YPEL2: variants seen among roughly 807,000 people sequenced by gnomAD.
The protein encoded by YPEL2 is protein yippee-like 2.
Under a neutral mutation model 19.1 loss-of-function variants are expected in YPEL2, and 2 were observed. That is an observed-to-expected ratio of 0.10 (90% confidence interval 0.04 to 0.33). The LOEUF is 0.33. Ranked by LOEUF, YPEL2 falls within the 10% of genes least tolerant of loss-of-function variation. YPEL2 has a pLI of 1.00. For missense variants in YPEL2, 66 were observed against 140.7 expected (o/e 0.47, Z 2.68); for synonymous variants, 52 against 50.0 (o/e 1.04, Z -0.17).
intron 3 of YPEL2, 35 bp downstream of exon 3, chr17:59,388,405 T>TAC: frequency 6.2e-7 from 1 of 1,608,884 alleles, no homozygotes; most frequent in Non-Finnish European, 8.5e-7. Flanking sequence ...CCTTGTGGGG[T>TAC]ACAGATTCGA....
chr17:59,384,661 T>G (rs1047937057), intron 2 of YPEL2, among the ~76,000 whole-genome samples: 2 of 152,168 alleles, frequency 1.3e-5, no homozygotes, highest in Admixed American at 1.3e-4. Context: ...TTTTTAAAGA[T>G]AAAATGTATA....
At chr17:59,350,217 C>T (rs531562317) in intron 1 of YPEL2, among the ~76,000 whole-genome samples, 31 of 152,004 alleles carry the variant, frequency 2.0e-4, no homozygotes, top group Admixed American at 1.6e-3. Context: ...ATCACAGGCG[C>T]GTGCCACCAT....
Position 59,331,669 on chromosome 17 carries a change from AC to A in YPEL2, c.-348del, listed in dbSNP as rs947534677. On this transcript the variant is annotated 5_prime_UTR_variant, in exon 1 of 5. Coordinates refer to ENST00000312655, the MANE Select transcript of YPEL2 (RefSeq NM_001005404.4). ...CATCACGGGGTAGCCCCCGGCCCGG[AC>A]CCGGAGGGATGCGGAGTGGCGGCCG... 2 of 153,232 alleles carry A rather than the reference AC, an allele frequency of 1.3e-5. No individual in the cohort carries two copies. Among genetic ancestry groups the A allele is most frequent in the African/African-American group, 2.4e-5 (1 of 41,448 alleles). 9.5% of individuals were successfully genotyped at this position (153,232 alleles called of 1,614,324 possible). A position where few individuals can be genotyped will look rare whatever the true frequency, so the allele number is the denominator to read the frequency against.
intron 4 of YPEL2, among the ~76,000 whole-genome samples, chr17:59,396,440 G>T (rs2048039706): frequency 6.6e-6 from 1 of 152,224 alleles, no homozygotes; most frequent in Admixed American, 6.5e-5. Context: ...ACTAAAGCAG[G>T]GGTTGGGGCA....
At chr17:59,349,706 A>C (rs1245397111) in intron 1 of YPEL2, among the ~76,000 whole-genome samples, 2 of 151,576 alleles carry the variant, frequency 1.3e-5, no homozygotes, top group African/African-American at 4.9e-5. Context: ...CTGTCACCAG[A>C]CTGGAGTGCA....
At chr17:59,369,446 G>A (rs2047886113) in intron 2 of YPEL2, among the ~76,000 whole-genome samples, 1 of 152,200 alleles carries the variant, frequency 6.6e-6, no homozygotes. Context: ...TGTGGAATCA[G>A]GGCCCTGATG....
At chr17:59,381,969 T>C (rs902326680) in intron 2 of YPEL2, among the ~76,000 whole-genome samples, 11 of 152,190 alleles carry the variant, frequency 7.2e-5, no homozygotes, top group African/African-American at 2.7e-4. Context: ...CGTGCCAGGT[T>C]GTGCCAGGCT....
At position 59,353,309 on chromosome 17, in the gene YPEL2, C is replaced by T; in HGVS notation, c.-101C>T. On this transcript the variant is annotated 5_prime_UTR_variant, in exon 2 of 5. Transcript: ENST00000312655. The surrounding 1 kb of genome is among the most constrained non-coding windows in gnomAD (Gnocchi z 4.8). ...CCTGCCACACCCACCCGCTGCCAAA[C>T]CACGGCCTTTACCTGTGTCTTCCGG... 1.2e-6 allele frequency: 1 copy of T among 855,288 alleles called. No homozygotes were observed. Among genetic ancestry groups the T allele is most frequent in the Non-Finnish European group, 1.9e-6 (1 of 538,422 alleles). The allele number at this position is 855,288 out of a possible 1,614,324, so 53.0% of individuals were successfully genotyped here.
At chr17:59,355,882 A>ATTAGAGCT (rs1454239071) in intron 2 of YPEL2, 1 of 152,216 alleles carries the variant, frequency 6.6e-6, no homozygotes, top group African/African-American at 2.4e-5. Context: ...GATGGGGTGC[A>ATTAGAGCT]TTAGAGCTTG....
At chr17:59,358,522 C>A (rs1006503439) in intron 2 of YPEL2, among the ~76,000 whole-genome samples, 1 of 151,984 alleles carries the variant, frequency 6.6e-6, no homozygotes, top group Admixed American at 6.5e-5. Context: ...GAGATCTGAC[C>A]CATCCTGTCC....
intron 2 of YPEL2, among the ~76,000 whole-genome samples, chr17:59,359,396 T>C (rs572310680): frequency 6.6e-6 from 1 of 152,366 alleles, no homozygotes; most frequent in East Asian, 1.9e-4. Flanking sequence ...TTGAGTTATA[T>C]CACTAGTAGT....
rs1198124498 is a variant in YPEL2 at position 59,397,296 on chromosome 17, C to T, written c.*106C>T. Reference sequence around the variant, plus strand: ...ACACTTGGTTCCATCCATTTAGGGGCCTTGCCATCCGGGGCATCCTCCCAC... The same window carrying T: ...ACACTTGGTTCCATCCATTTAGGGGTCTTGCCATCCGGGGCATCCTCCCAC... On this transcript the variant is annotated 3_prime_UTR_variant, in exon 5 of 5. Transcript: ENST00000312655. The T allele has an allele frequency of 2.4e-6, 2 of 838,690 alleles. No individual in the cohort carries two copies. The highest frequency in any genetic ancestry group is 3.5e-6 in the Non-Finnish European group (2 of 572,622). The allele number at this position is 838,690 out of a possible 1,614,324, so 52.0% of individuals were successfully genotyped here.
At chr17:59,378,308 A>G (rs1339238609) in intron 2 of YPEL2, among the ~76,000 whole-genome samples, 2 of 149,650 alleles carry the variant, frequency 1.3e-5, no homozygotes, top group Non-Finnish European at 3.0e-5. Flanking sequence ...GGAATTTGAA[A>G]GTCTGATCAT....
chr17:59,337,317 A>G (rs1051048154), intron 1 of YPEL2, among the ~76,000 whole-genome samples: 3 of 151,238 alleles, frequency 2.0e-5, no homozygotes, highest in Admixed American at 2.0e-4. Flanking sequence ...CCTCCCGAGT[A>G]GCTGGGACTA....
chr17:59,346,859 A>G (rs1305865114), intron 1 of YPEL2, among the ~76,000 whole-genome samples: 1 of 152,192 alleles, frequency 6.6e-6, no homozygotes, highest in Non-Finnish European at 1.5e-5. Context: ...GAAAGGTTGT[A>G]TCAGCCTGAA....
chr17:59,390,938 A>T (rs942264852), intron 4 of YPEL2, among the ~76,000 whole-genome samples: 8 of 152,226 alleles, frequency 5.3e-5, no homozygotes, highest in African/African-American at 1.7e-4. Context: ...GTTAAATAGG[A>T]TCATGCCTAT....
intron 1 of YPEL2, among the ~76,000 whole-genome samples, chr17:59,333,396 A>G (rs1051185190): frequency 2.6e-5 from 4 of 152,204 alleles, no homozygotes; most frequent in African/African-American, 7.2e-5. Context: ...CTGTCTTGAT[A>G]TTTCTGTGCT....
At chr17:59,337,219 G>C (rs1219375838) in intron 1 of YPEL2, among the ~76,000 whole-genome samples, 1 of 141,394 alleles carries the variant, frequency 7.1e-6, no homozygotes. Flanking sequence ...ACGGAGTCTC[G>C]CTCTGTGGCC....
At chr17:59,350,552 A>T (rs1022512891) in intron 1 of YPEL2, among the ~76,000 whole-genome samples, 1 of 152,090 alleles carries the variant, frequency 6.6e-6, no homozygotes, top group Admixed American at 6.5e-5. Flanking sequence ...TTGTCTTTTT[A>T]GGTTCAGAGC....
Sources: gnomAD v4.1 joint callset for allele counts (sites outside exome capture counted in the v4.1 genomes callset) on GRCh38, gnomAD v4.1.1 for gene constraint, Gnocchi (gnomAD v3.1) non-coding constraint, MANE v1.5 for transcripts, NCBI Gene and HGNC (gene_info 2026-07-23, HGNC 2026-07-21) for gene names.